CCDC85C: variants seen among roughly 807,000 people sequenced by gnomAD.
CCDC85C encodes the protein coiled-coil domain containing 85C.
CCDC85C carries 18 observed loss-of-function variants against 38.3 expected under a neutral mutation model. The ratio of observed to expected loss-of-function variants is 0.47; its 90% CI spans 0.33 to 0.70. CCDC85C has a LOEUF of 0.70. CCDC85C is among the 30% of genes least tolerant of loss of function. The pLI is 0.03. For missense variants in CCDC85C, 566 were observed against 621.2 expected (o/e 0.91, Z 0.94); for synonymous variants, 264 against 293.8 (o/e 0.90, Z 1.04).
At position 99,502,496 on chromosome 14, in the gene CCDC85C, A is replaced by G. The variant is rs1173094584; in HGVS notation, c.*12750T>C. On this transcript the variant is annotated 3_prime_UTR_variant, in exon 6 of 6. Transcript: ENST00000380243. ...AGACATATGTGAGCAATATTTCAGA[A>G]GCATCATTAATTAAATTATCTAATA... The G allele has an allele frequency of 1.4e-6, 2 of 1,415,412 alleles. No individual in the cohort carries two copies. The highest frequency in any genetic ancestry group is 1.4e-5 in the African/African-American group (1 of 69,136). 87.7% of individuals were successfully genotyped at this position (1,415,412 alleles called of 1,614,324 possible).
chr14:99,549,595 C>T (rs953748462), intron 1 of CCDC85C, among the ~76,000 whole-genome samples: 1 of 152,228 alleles, frequency 6.6e-6, no homozygotes, highest in Non-Finnish European at 1.5e-5. Context: ...ACTCAGAGGA[C>T]TCAGAGGGCA....
chr14:99,500,832 C>A lies in CCDC85C; in HGVS notation c.*14414G>T. ...CAAGTTTGATTTACAGGTAGAACAT[C>A]CATACCAGTTCCTACTAAAATATGC... On this transcript the variant is annotated 3_prime_UTR_variant, in exon 6 of 6. Transcript: ENST00000380243. The A allele has an allele frequency of 6.4e-7, 1 of 1,563,324 alleles. No individual in the cohort carries two copies. The highest frequency in any genetic ancestry group is 8.7e-7 in the Non-Finnish European group (1 of 1,152,172).
chr14:99,540,841 G>A (rs60459146), intron 1 of CCDC85C, among the ~76,000 whole-genome samples: 3,382 of 152,284 alleles, frequency 0.022, 127 homozygotes, highest in African/African-American at 0.077. Context: ...CATGGTGGGG[G>A]GAGTCACAGA....
Position 99,511,075 on chromosome 14 carries a change from C to G in CCDC85C, c.*4171G>C, listed in dbSNP as rs993199871. 3.8e-6 allele frequency: 1 copy of G among 263,036 alleles called. No individual in the cohort carries two copies. The highest frequency in any genetic ancestry group is 2.2e-5 in the African/African-American group (1 of 45,288). 16.3% of individuals were successfully genotyped at this position (263,036 alleles called of 1,614,324 possible). ...TACTTTATACTAGTGAGGACGTTAA[C>G]CAGCCATATTGGCTCAATAAATAGC... On this transcript the variant is annotated 3_prime_UTR_variant, in exon 6 of 6. Transcript: ENST00000380243.
Position 99,504,047 on chromosome 14 carries a change from A to G in CCDC85C, c.*11199T>C, listed in dbSNP as rs2139875120. ...GGTGGTGTGCTGCCCGGACAGCACC[A>G]GCCCGGCCCAGCCCAGCTGCCCTTG... On this transcript the variant is annotated 3_prime_UTR_variant, in exon 6 of 6. Coordinates refer to ENST00000380243, the MANE Select transcript of CCDC85C (RefSeq NM_001144995.2). 2.7e-6 allele frequency: 1 copy of G among 369,910 alleles called. No individual in the cohort carries two copies. Among genetic ancestry groups the G allele is most frequent in the South Asian group, 2.0e-5 (1 of 50,328 alleles). The allele number at this position is 369,910 out of a possible 1,614,324, so 22.9% of individuals were successfully genotyped here. A position where few individuals can be genotyped will look rare whatever the true frequency, so the allele number is the denominator to read the frequency against.
At chr14:99,591,355 C>G (rs2055084180) in intron 1 of CCDC85C, among the ~76,000 whole-genome samples, 1 of 152,248 alleles carries the variant, frequency 6.6e-6, no homozygotes, top group Non-Finnish European at 1.5e-5. Flanking sequence ...AGGCTACCAG[C>G]CTCTTCTGTG....
rs1388642060 is a variant in CCDC85C at position 99,516,616 on chromosome 14, T to G, written c.1072-330A>C. Among the ~76,000 whole-genome samples, 1 of 151,400 alleles carries G rather than the reference T, an allele frequency of 6.6e-6. No homozygotes were observed. The highest frequency in any genetic ancestry group is 1.5e-5 in the Non-Finnish European group (1 of 67,838). ...GGGCACTCGCCACGTGGAGGGGGTG[T>G]GAGTAGGCGTGGCCGTGCATGCATG... On this transcript the variant is annotated intron_variant, in intron 4 of 5. Transcript: ENST00000380243. This position sits in a 1 kb window ranked among gnomAD's most constrained non-coding sequence, Gnocchi z 5.5.
At position 99,516,163 on chromosome 14, in the gene CCDC85C, T is replaced by C. The variant is rs755958093; in HGVS notation, c.1170+25A>G. On this transcript the variant is annotated intron_variant, in intron 5 of 5. Coordinates refer to ENST00000380243, the MANE Select transcript of CCDC85C (RefSeq NM_001144995.2). This position sits in a 1 kb window ranked among gnomAD's most constrained non-coding sequence, Gnocchi z 5.5. The stretch of plus-strand genomic sequence containing the variant: ...GGTCGCACTCCCAGTGCCAAGCCTC[T>C]GCCCCCCACCCCTGGAAGCCTCACG... 7.8e-6 allele frequency: 12 copies of C among 1,539,260 alleles called. No individual in the cohort carries two copies. Among genetic ancestry groups the C allele is most frequent in the Non-Finnish European group, 1.1e-5 (12 of 1,136,530 alleles).
rs1363815192 is a variant in CCDC85C at position 99,603,495 on chromosome 14, G to A, written c.465C>T (p.Arg155=). Residue 155 remains arginine (R), a synonymous_variant, in exon 1 of 6, where the codon CGC becomes CGT. Coordinates refer to ENST00000380243, the MANE Select transcript of CCDC85C (RefSeq NM_001144995.2). This position sits in a 1 kb window ranked among gnomAD's most constrained non-coding sequence, Gnocchi z 7.5. ...CGGCCCCCGTCGCCGCCAGTGCCGC[G>A]CGCTCCTCGTCCAGCAGCAGCACCA... The part of the protein sequence containing the change: ...KELVLLLDEE[R]AALAATGAAS... The A allele has an allele frequency of 5.3e-6, 7 of 1,310,564 alleles. No homozygotes were observed. The East Asian group carries it at 1.9e-4, about 35-fold the overall frequency. The allele number at this position is 1,310,564 out of a possible 1,614,324, so 81.2% of individuals were successfully genotyped here. A position where few individuals can be genotyped will look rare whatever the true frequency, so the allele number is the denominator to read the frequency against.
rs1442493482 is a variant in CCDC85C at position 99,533,509 on chromosome 14, C to T, written c.867+2506G>A. 6.6e-6 allele frequency among the ~76,000 whole-genome samples: 1 copy of T among 152,240 alleles called. No homozygotes were observed. The highest frequency in any genetic ancestry group is 1.5e-5 in the Non-Finnish European group (1 of 68,036). ...TCCGCGCCCTGGTTGTATGTAACAA[C>T]AAGCAGGCAACAGTGGGTTTCTGTC... On this transcript the variant is annotated intron_variant, in intron 2 of 5. Transcript: ENST00000380243. This position sits in a 1 kb window ranked among gnomAD's most constrained non-coding sequence, Gnocchi z 4.2.
chr14:99,522,595 C>A, intron 2 of CCDC85C: 1 of 199,692 alleles, frequency 5.0e-6, no homozygotes, highest in Non-Finnish European at 1.0e-5. Context: ...AACTTCCTGC[C>A]CTTGGGTCCC....
chr14:99,550,014 C>T (rs569646971), intron 1 of CCDC85C, among the ~76,000 whole-genome samples: 6 of 152,300 alleles, frequency 3.9e-5, no homozygotes, highest in African/African-American at 7.2e-5. Flanking sequence ...GCCCTGGCAG[C>T]GCCCTCCATG....
intron 1 of CCDC85C, among the ~76,000 whole-genome samples, chr14:99,597,228 A>C (rs1349068381): frequency 6.6e-6 from 1 of 152,200 alleles, no homozygotes; most frequent in Non-Finnish European, 1.5e-5. Context: ...GGAGGCACTC[A>C]GACCTCAGAG....
At position 99,503,139 on chromosome 14, in the gene CCDC85C, G is replaced by A. The variant is rs961670997; in HGVS notation, c.*12107C>T. Reference sequence around the variant, plus strand: ...CCGACTGCTTGTCGGTGGGGAGCCTGAAAACAAAGGTGCTCCAAGGACAGG... The same window carrying A: ...CCGACTGCTTGTCGGTGGGGAGCCTAAAAACAAAGGTGCTCCAAGGACAGG... On this transcript the variant is annotated 3_prime_UTR_variant, in exon 6 of 6. Coordinates refer to ENST00000380243, the MANE Select transcript of CCDC85C (RefSeq NM_001144995.2). 6.9e-6 allele frequency: 6 copies of A among 864,966 alleles called. No homozygotes were observed. The highest frequency in any genetic ancestry group is 1.7e-5 in the African/African-American group (1 of 60,506). The allele number at this position is 864,966 out of a possible 1,614,324, so 53.6% of individuals were successfully genotyped here.
intron 1 of CCDC85C, among the ~76,000 whole-genome samples, chr14:99,601,672 A>G (rs2055199997): frequency 1.3e-5 from 2 of 152,208 alleles, no homozygotes; most frequent in Admixed American, 1.3e-4. Flanking sequence ...TGCTCTGAAC[A>G]GCCCCAGCAA....
chr14:99,574,695 C>T (rs142155602), intron 1 of CCDC85C, among the ~76,000 whole-genome samples: 90 of 152,304 alleles, frequency 5.9e-4, no homozygotes, highest in African/African-American at 2.0e-3. Context: ...GCTTCATGAG[C>T]ACCATCTGAT....
chr14:99,573,578 G>A (rs1898405046), intron 1 of CCDC85C, among the ~76,000 whole-genome samples: 1 of 152,214 alleles, frequency 6.6e-6, no homozygotes, highest in African/African-American at 2.4e-5. Flanking sequence ...CACCAGTGAG[G>A]CAGACCCGGC....
At chr14:99,531,588 G>A (rs868231693) in intron 2 of CCDC85C, among the ~76,000 whole-genome samples, 1 of 129,874 alleles carries the variant, frequency 7.7e-6, no homozygotes, top group Non-Finnish European at 1.6e-5. Flanking sequence ...ATGGGTGGGG[G>A]GGGGGGTGGG....
Position 99,510,161 on chromosome 14 carries a change from G to A in CCDC85C, c.*5085C>T. ...TGATGCGTCTCTCTCCTGCAGACCG[G>A]AAGCCTCCCCTCGCTGCTGCCTTAG... is the stretch of plus-strand genomic sequence containing the variant. On this transcript the variant is annotated 3_prime_UTR_variant, in exon 6 of 6. Transcript: ENST00000380243. 1 of 1,596,424 alleles carries A rather than the reference G, an allele frequency of 6.3e-7. No individual in the cohort carries two copies. Among genetic ancestry groups the A allele is most frequent in the Non-Finnish European group, 8.5e-7 (1 of 1,175,064 alleles).
Sources: gnomAD v4.1 joint callset for allele counts (sites outside exome capture counted in the v4.1 genomes callset) on GRCh38, gnomAD v4.1.1 for gene constraint, Gnocchi (gnomAD v3.1) non-coding constraint, MANE v1.5 for transcripts, NCBI Gene and HGNC (gene_info 2026-07-23, HGNC 2026-07-21) for gene names.